RAB11FIP2: variants seen among roughly 807,000 people sequenced by gnomAD.
RAB11FIP2 encodes the protein rab11 family-interacting protein 2.
A neutral mutation model predicts 40.9 loss-of-function variants in RAB11FIP2; 16 were observed. That is an observed-to-expected ratio of 0.39 (90% CI 0.26 to 0.59). RAB11FIP2 has a LOEUF of 0.59. Among genes scored for constraint, RAB11FIP2 ranks in the 20% least tolerant of loss-of-function variants. The pLI is 0.53. For synonymous variants in RAB11FIP2, 228 were observed against 213.7 expected, an observed-to-expected ratio of 1.07 and a Z score of -0.58; for missense variants, 532 against 606.2, an observed-to-expected ratio of 0.88 and a Z score of 1.28.
chr10:118,018,145 T>C (rs552759195), intron 3 of RAB11FIP2: 1 of 152,350 alleles, frequency 6.6e-6, no homozygotes, highest in East Asian at 1.9e-4. Context: ...ACCCCTCCCT[T>C]GTGGTCTGCT....
chr10:118,027,058 T>C (rs1280914941), intron 3 of RAB11FIP2, among the ~76,000 whole-genome samples: 1 of 152,198 alleles, frequency 6.6e-6, no homozygotes, highest in African/African-American at 2.4e-5. Flanking sequence ...TTTAAAGCAA[T>C]TGTTAAGTAT....
At position 118,040,484 on chromosome 10, in the gene RAB11FIP2, G is replaced by A. The variant is rs747562747; in HGVS notation, c.435C>T (p.Asn145=). The A allele has an allele frequency of 3.7e-6, 6 of 1,612,784 alleles. No individual in the cohort carries two copies. The highest frequency in any genetic ancestry group is 5.1e-6 in the Non-Finnish European group (6 of 1,179,188). The change falls in exon 2 of 5, where the codon AAC becomes AAT. Residue 145 remains asparagine (N), a synonymous_variant. Coordinates refer to ENST00000355624, the MANE Select transcript of RAB11FIP2 (RefSeq NM_014904.3). ...AGTCAAACATACTTGCGGTCATATTGTTCCTCATAAACTGAATATTGACCT... is the reference window on the plus strand; with the variant it reads ...AGTCAAACATACTTGCGGTCATATTATTCCTCATAAACTGAATATTGACCT... ...EIKVNIQFMR[N]NMTASMFDLS...
At chr10:118,009,325 G>T in intron 4 of RAB11FIP2, 100 bp from the exon 5 acceptor site, 1 of 1,131,656 alleles carries the variant, frequency 8.8e-7, no homozygotes, top group Non-Finnish European at 1.3e-6. Flanking sequence ...AAACCCTGAT[G>T]AAGTTTTTCG....
intron 3 of RAB11FIP2, among the ~76,000 whole-genome samples, chr10:118,019,676 A>G (rs2133166980): frequency 6.6e-6 from 1 of 152,172 alleles, no homozygotes; most frequent in East Asian, 1.9e-4. Context: ...ACAAAAAAAA[A>G]TTAGCCGGGC....
intron 4 of RAB11FIP2, among the ~76,000 whole-genome samples, chr10:118,012,771 A>G (rs1402214969): frequency 2.0e-5 from 3 of 152,038 alleles, no homozygotes; most frequent in Admixed American, 2.0e-4. Flanking sequence ...CAAAGTGCTC[A>G]ATATTTTTTC....
chr10:118,046,580 T>A lies in RAB11FIP2; in HGVS notation c.-417A>T, dbSNP rs1036168596. 76 of 155,878 alleles carry A rather than the reference T, an allele frequency of 4.9e-4. No homozygotes were observed. Among genetic ancestry groups the A allele is most frequent in the African/African-American group, 1.9e-3 (73 of 38,058 alleles). 9.7% of individuals were successfully genotyped at this position (155,878 alleles called of 1,614,324 possible). A position where few individuals can be genotyped will look rare whatever the true frequency, so the allele number is the denominator to read the frequency against. Reference sequence around the variant, plus strand: ...CTCCTTGCGGCCGAGCAGCCTCCGCTGCCTCCGCGCCTCCCGCCCGCCCGG... The same window carrying A: ...CTCCTTGCGGCCGAGCAGCCTCCGCAGCCTCCGCGCCTCCCGCCCGCCCGG... On this transcript the variant is annotated 5_prime_UTR_variant, in exon 1 of 5. Transcript: ENST00000355624.
At chr10:118,024,462 A>G (rs1037131313) in intron 3 of RAB11FIP2, among the ~76,000 whole-genome samples, 1 of 126,282 alleles carries the variant, frequency 7.9e-6, no homozygotes, top group African/African-American at 3.0e-5. Context: ...TCCATTAGTC[A>G]TCATCATCGT....
intron 3 of RAB11FIP2, among the ~76,000 whole-genome samples, chr10:118,026,497 G>A (rs998958745): frequency 2.0e-5 from 3 of 152,200 alleles, no homozygotes; most frequent in Non-Finnish European, 4.4e-5. Flanking sequence ...ATCTTGGTTG[G>A]AAGAGAGACA....
At chr10:118,011,863 G>A (rs1373959009) in intron 4 of RAB11FIP2, among the ~76,000 whole-genome samples, 1 of 151,924 alleles carries the variant, frequency 6.6e-6, no homozygotes, top group African/African-American at 2.4e-5. Flanking sequence ...TTAGTTGACT[G>A]CTTTATGCTT....
At chr10:118,020,394 T>C (rs1846269535) in intron 3 of RAB11FIP2, among the ~76,000 whole-genome samples, 1 of 152,186 alleles carries the variant, frequency 6.6e-6, no homozygotes, top group Non-Finnish European at 1.5e-5. Flanking sequence ...TGCAACAGGT[T>C]TGGAAATAAC....
chr10:118,012,630 ATTTT>A (rs34501954), intron 4 of RAB11FIP2, among the ~76,000 whole-genome samples: 5 of 151,902 alleles, frequency 3.3e-5, no homozygotes, highest in African/African-American at 4.8e-5. Flanking sequence ...TACAAAAATT[ATTTT>A]TTTAGAGAGG....
In RAB11FIP2 at chr10:118,039,101, C is replaced by T; in HGVS notation, c.1136G>A (p.Gly379Glu). The T allele has an allele frequency of 1.2e-6, 2 of 1,613,652 alleles. No homozygotes were observed. The highest frequency in any genetic ancestry group is 3.3e-5 in the Admixed American group (2 of 59,968). ...SRRSDKLNNG[G>E]SDSPCDLKSP... is the part of the protein sequence containing the mutation. ...TTTCAAGTCACAAGGGCTATCAGAT[C>T]CCCCATTGTTAAGTTTATCAGATCT... The change falls in exon 3 of 5, where the codon GGA becomes GAA. Residue 379 changes from glycine to glutamate, a missense_variant. By Grantham distance (98) the Gly-to-Glu change is moderately conservative. Transcript: ENST00000355624.
chr10:118,019,039 A>G (rs1846253740), intron 3 of RAB11FIP2, among the ~76,000 whole-genome samples: 1 of 152,108 alleles, frequency 6.6e-6, no homozygotes, highest in Non-Finnish European at 1.5e-5. Flanking sequence ...AAAACCCTAC[A>G]TAAGAACAAA....
intron 1 of RAB11FIP2, chr10:118,045,568 A>G (rs1846618124): frequency 2.3e-6 from 1 of 438,748 alleles, no homozygotes; most frequent in Non-Finnish European, 4.0e-6. Context: ...ATCCACCACA[A>G]AATATTCAAT....
intron 1 of RAB11FIP2, 94 bp from the exon 2 acceptor site, chr10:118,040,659 T>C (rs1249041915): frequency 6.4e-5 from 58 of 903,938 alleles, no homozygotes; most frequent in South Asian, 3.3e-4. Flanking sequence ...GTAAAGTAAC[T>C]ATACATCAAG....
chr10:118,036,653 G>A lies in RAB11FIP2; in HGVS notation c.1265+2319C>T, dbSNP rs190572736. 3.0e-4 allele frequency among the ~76,000 whole-genome samples: 46 copies of A among 152,214 alleles called. 1 individual carries two copies. Among genetic ancestry groups the A allele is most frequent in the South Asian group, 1.2e-3 (6 of 4,830 alleles). On this transcript the variant is annotated intron_variant, in intron 3 of 4. Transcript: ENST00000355624. Reference sequence around the variant, plus strand: ...ATGTTTTACATTTACCACACGGATGGTTTGTGATGCAAAAAGAATAACTTC... The same window carrying A: ...ATGTTTTACATTTACCACACGGATGATTTGTGATGCAAAAAGAATAACTTC...
Position 118,040,293 on chromosome 10 carries a change from G to C in RAB11FIP2, c.626C>G (p.Ser209Cys). The change falls in exon 2 of 5, where the codon TCC (serine) becomes TGC (cysteine). Residue 209 changes from serine (S) to cysteine (C), a missense_variant. By Grantham distance (112) the Ser-to-Cys change is moderately radical (BLOSUM62 -1). Transcript: ENST00000355624. ...CAAGAGAAAAGGCTTTTTTGGTTTG[G>C]ATTTCATCTGTATTTCACCACTTGA... ...EFSSGEIQMK[S>C]KPKKPFLLGP... is the part of the protein sequence containing the mutation. 3 of 1,613,844 alleles carry C rather than the reference G, an allele frequency of 1.9e-6. No individual in the cohort carries two copies. Among genetic ancestry groups the C allele is most frequent in the Non-Finnish European group, 2.5e-6 (3 of 1,179,796 alleles).
At chr10:118,019,742 C>A (rs1350572617) in intron 3 of RAB11FIP2, among the ~76,000 whole-genome samples, 2 of 151,486 alleles carry the variant, frequency 1.3e-5, no homozygotes, top group Non-Finnish European at 2.9e-5. Flanking sequence ...AAGAGAATGG[C>A]ATGAACCCGG....
intron 3 of RAB11FIP2, among the ~76,000 whole-genome samples, chr10:118,035,694 T>G (rs1846472307): frequency 1.3e-5 from 2 of 152,106 alleles, no homozygotes; most frequent in Admixed American, 1.3e-4. Flanking sequence ...CAGACCCTGC[T>G]ATCAAACTCT....
Sources: allele counts gnomAD v4.1 joint callset (sites outside exome capture counted in the v4.1 genomes callset), GRCh38; gene constraint gnomAD v4.1.1; transcripts MANE v1.5; gene names NCBI Gene and HGNC (gene_info 2026-07-23, HGNC 2026-07-21).